The following SLC38A4 variants were observed in gnomAD, a reference collection of about 807,000 sequenced individuals.
SLC38A4 encodes the protein solute carrier family 38 member 4, also known as sodium-coupled neutral amino acid transporter 4.
In SLC38A4, 20 loss-of-function variants were observed where a neutral mutation model predicts 63.1. The ratio of observed to expected loss-of-function variants is 0.32; its 90% CI spans 0.22 to 0.46. The LOEUF is 0.46. SLC38A4 is among the 20% of genes least tolerant of loss of function. The probability of loss-of-function intolerance (pLI) is 1.00; values close to 1 mark genes in which losing one functional copy is unlikely to be tolerated. For missense variants in SLC38A4, 526 were observed against 663.6 expected, an observed-to-expected ratio of 0.79 and a Z score of 2.28; for synonymous variants, 230 against 225.5, an observed-to-expected ratio of 1.02 and a Z score of -0.18.
intron 14 of SLC38A4, among the ~76,000 whole-genome samples, chr12:46,774,274 G>A (rs116334095): frequency 1.0e-3 from 152 of 152,172 alleles, no homozygotes; most frequent in African/African-American, 3.5e-3. Context: ...GGACAGTGCT[G>A]GTTACTGTGT....
intron 1 of SLC38A4, among the ~76,000 whole-genome samples, chr12:46,822,367 G>A (rs1240909714): frequency 6.6e-6 from 1 of 152,110 alleles, no homozygotes; most frequent in Admixed American, 6.5e-5. Context: ...GTCTCAGTGG[G>A]TGGGTAACTG....
chr12:46,789,359 GAAAC>G (rs1938832559), intron 3 of SLC38A4, among the ~76,000 whole-genome samples: 1 of 152,114 alleles, frequency 6.6e-6, no homozygotes, highest in East Asian at 1.9e-4. Context: ...GATAATGAAT[GAAAC>G]TAAGGAAATT....
intron 1 of SLC38A4, among the ~76,000 whole-genome samples, chr12:46,805,538 AAC>A (rs1939213490): frequency 6.6e-6 from 1 of 152,050 alleles, no homozygotes; most frequent in Non-Finnish European, 1.5e-5. Flanking sequence ...TCATAAGCAA[AAC>A]ACAGACTTAA....
intron 13 of SLC38A4, 40 bp downstream of exon 13, chr12:46,776,864 A>G (rs1938536149): frequency 1.3e-6 from 2 of 1,572,874 alleles, no homozygotes; most frequent in South Asian, 1.1e-5. Flanking sequence ...CCAGCCTAAC[A>G]AGGATTTGCA....
chr12:46,774,512 G>T (rs956787200), intron 14 of SLC38A4, among the ~76,000 whole-genome samples: 7 of 152,040 alleles, frequency 4.6e-5, no homozygotes, highest in African/African-American at 1.4e-4. Context: ...GTGTGAGAGA[G>T]ATATGTGATA....
chr12:46,796,696 G>A (rs1205449287), intron 2 of SLC38A4, among the ~76,000 whole-genome samples: 1 of 152,102 alleles, frequency 6.6e-6, no homozygotes, highest in Non-Finnish European at 1.5e-5. Flanking sequence ...TTCCATTCCT[G>A]TTTGTTATAC....
chr12:46,806,910 A>G (rs940444949), intron 1 of SLC38A4, among the ~76,000 whole-genome samples: 16 of 151,968 alleles, frequency 1.1e-4, no homozygotes, highest in African/African-American at 3.9e-4. Context: ...ATTTAAAATC[A>G]TTGATTATAT....
intron 12 of SLC38A4, 86 bp downstream of exon 12, chr12:46,778,203 T>C: frequency 7.7e-7 from 1 of 1,302,490 alleles, no homozygotes; most frequent in Admixed American, 1.7e-5. Flanking sequence ...GAGGAAGCTA[T>C]AAACTGTGTT....
intron 2 of SLC38A4, among the ~76,000 whole-genome samples, chr12:46,794,650 C>G (rs76241059): frequency 0.065 from 9,851 of 151,042 alleles, 370 homozygotes; most frequent in South Asian, 0.14. Flanking sequence ...CAAATTATAG[C>G]ATGAAGAGAT....
intron 2 of SLC38A4, among the ~76,000 whole-genome samples, chr12:46,802,116 G>A (rs1209743840): frequency 2.6e-5 from 4 of 152,118 alleles, no homozygotes; most frequent in African/African-American, 7.2e-5. Context: ...ATAAAGGACT[G>A]GTCATAAGAT....
chr12:46,792,735 G>A (rs1271531905), intron 3 of SLC38A4, among the ~76,000 whole-genome samples: 1 of 152,050 alleles, frequency 6.6e-6, no homozygotes, highest in Admixed American at 6.6e-5. Flanking sequence ...CATTATTAAT[G>A]GAGACAAAGA....
At chr12:46,823,699 G>C (rs995989380) in intron 1 of SLC38A4, among the ~76,000 whole-genome samples, 1 of 152,182 alleles carries the variant, frequency 6.6e-6, no homozygotes, top group Non-Finnish European at 1.5e-5. Context: ...AAACCTCAAC[G>C]GGATATTTAC....
chr12:46,792,266 A>G (rs1360611970), intron 3 of SLC38A4, among the ~76,000 whole-genome samples: 2 of 152,108 alleles, frequency 1.3e-5, no homozygotes, highest in African/African-American at 4.8e-5. Flanking sequence ...TGAAGCATTA[A>G]TAAGGTCAAA....
intron 13 of SLC38A4, 70 bp downstream of exon 13, chr12:46,776,834 A>G (rs77993723): frequency 0.013 from 18,292 of 1,358,030 alleles, 168 homozygotes; most frequent in Non-Finnish European, 0.016. Context: ...TTTAAAAATC[A>G]TACCTACCCA....
chr12:46,822,498 G>C (rs1401736850), intron 1 of SLC38A4, among the ~76,000 whole-genome samples: 1 of 152,114 alleles, frequency 6.6e-6, no homozygotes, highest in Non-Finnish European at 1.5e-5. Flanking sequence ...CATGATAGCT[G>C]AGCCAAAACT....
chr12:46,801,578 G>C (rs897953177), intron 2 of SLC38A4, among the ~76,000 whole-genome samples: 1 of 152,060 alleles, frequency 6.6e-6, no homozygotes, highest in Admixed American at 6.6e-5. Context: ...TTTAGGTTTA[G>C]GTAGCAGAAA....
In SLC38A4 at chr12:46,791,759, A is replaced by C. The variant is rs1230378855; in HGVS notation, c.119+1194T>G. Among the ~76,000 whole-genome samples the C allele has an allele frequency of 2.6e-5, 4 of 152,086 alleles. No homozygotes were observed. In the East Asian group the frequency reaches 7.7e-4, roughly 29 times the overall value. On this transcript the variant is annotated intron_variant, in intron 3 of 16. Transcript: ENST00000266579. ...GCGTAATTAACATCTGCACAGGGAG[A>C]GGGTACATGAAGGAGGGGCAGTCAC...
At chr12:46,828,388 C>T (rs1939688301), upstream of SLC38A4, among the ~76,000 whole-genome samples, 1 of 152,148 alleles carries the variant, frequency 6.6e-6, no homozygotes, top group Non-Finnish European at 1.5e-5. Flanking sequence ...GTGGCATGAT[C>T]TTGGCTCACT....
chr12:46,770,551 T>C (rs1190746277), intron 14 of SLC38A4, among the ~76,000 whole-genome samples: 1 of 152,078 alleles, frequency 6.6e-6, no homozygotes, highest in Non-Finnish European at 1.5e-5. Context: ...TTCAGCCCTA[T>C]TTTAGCAGCT....
Sources: allele counts gnomAD v4.1 joint callset (sites outside exome capture counted in the v4.1 genomes callset), GRCh38; gene constraint gnomAD v4.1.1; transcripts MANE v1.5; gene names NCBI Gene and HGNC (gene_info 2026-07-23, HGNC 2026-07-21).